The following RGS6 variants were observed in gnomAD, a reference collection of about 807,000 sequenced individuals.
RGS6 encodes regulator of G-protein signaling 6.
In RGS6, 30 loss-of-function variants were observed where a neutral mutation model predicts 78.5. The observed-to-expected ratio is 0.38, with a 90% CI of 0.29 to 0.52. The LOEUF (loss-of-function observed/expected upper bound fraction) is 0.52. Among genes scored for constraint, RGS6 ranks in the 20% least tolerant of loss-of-function variants. The pLI, the probability that RGS6 is intolerant of heterozygous loss-of-function variation, is 0.85. For synonymous variants in RGS6, 206 were observed against 206.0 expected (o/e 1.00, Z 0.00); for missense variants, 495 against 609.7 (o/e 0.81, Z 1.98).
the RGS6 span, among the ~76,000 whole-genome samples, chr14:72,603,265 AC>A: frequency 6.6e-6 from 1 of 152,234 alleles, no homozygotes; most frequent in Non-Finnish European, 1.5e-5. Context: ...ATGCAGCAAG[AC>A]TTGAAGGATT....
chr14:72,065,144 C>G (rs977662840), intron 2 of RGS6, among the ~76,000 whole-genome samples: 1 of 152,178 alleles, frequency 6.6e-6, no homozygotes, highest in African/African-American at 2.4e-5. Context: ...ATAATTGCCA[C>G]TTTTATTAAA....
intron 2 of RGS6, among the ~76,000 whole-genome samples, chr14:72,187,484 G>C (rs1012417909): frequency 6.6e-6 from 1 of 152,106 alleles, no homozygotes; most frequent in Non-Finnish European, 1.5e-5. Context: ...AGTTGGTGGT[G>C]GACTTGAGTG....
intron 2 of RGS6, among the ~76,000 whole-genome samples, chr14:71,970,651 G>C (rs1566931764): frequency 1.3e-5 from 2 of 152,140 alleles, no homozygotes; most frequent in African/African-American, 4.8e-5. Flanking sequence ...GGCATGATGA[G>C]GATTAGAAAC....
intron 2 of RGS6, among the ~76,000 whole-genome samples, chr14:72,124,447 G>A (rs193106883): frequency 3.9e-5 from 6 of 152,270 alleles, no homozygotes; most frequent in Non-Finnish European, 7.4e-5. Flanking sequence ...CTTATTATGT[G>A]AAAATCTATA....
chr14:72,050,441 G>A (rs2093159746), intron 2 of RGS6, among the ~76,000 whole-genome samples: 1 of 152,046 alleles, frequency 6.6e-6, no homozygotes, highest in Non-Finnish European at 1.5e-5. Context: ...GCTTATTATA[G>A]GTGATAAAAT....
At chr14:71,982,894 A>C (rs2094530909) in intron 2 of RGS6, among the ~76,000 whole-genome samples, 1 of 152,234 alleles carries the variant, frequency 6.6e-6, no homozygotes, top group South Asian at 2.1e-4. Context: ...CCATTGTCAG[A>C]AGTAGAACCC....
chr14:72,330,358 A>G (rs544570180), intron 2 of RGS6, among the ~76,000 whole-genome samples: 6 of 152,236 alleles, frequency 3.9e-5, no homozygotes, highest in Non-Finnish European at 7.3e-5. Flanking sequence ...TTTCCTGAGC[A>G]TCTGTCATTT....
chr14:72,269,364 C>T (rs2059570726), intron 2 of RGS6, among the ~76,000 whole-genome samples: 1 of 152,120 alleles, frequency 6.6e-6, no homozygotes, highest in Admixed American at 6.6e-5. Flanking sequence ...TGCCTCCTAG[C>T]CCACGTTATC....
At chr14:72,158,943 AT>A (rs2096813992) in intron 2 of RGS6, among the ~76,000 whole-genome samples, 1 of 152,150 alleles carries the variant, frequency 6.6e-6, no homozygotes, top group Non-Finnish European at 1.5e-5. Context: ...CCCACCTGTG[AT>A]TCTTCCTTCA....
At chr14:71,948,582 A>C (rs1595065333) in intron 1 of RGS6, among the ~76,000 whole-genome samples, 1 of 152,124 alleles carries the variant, frequency 6.6e-6, no homozygotes, top group East Asian at 1.9e-4. Flanking sequence ...TTGTTCAATA[A>C]ATTTTCAAGC....
At chr14:72,337,463 T>G (rs891976687) in intron 2 of RGS6, among the ~76,000 whole-genome samples, 1 of 152,134 alleles carries the variant, frequency 6.6e-6, no homozygotes, top group Admixed American at 6.6e-5. Context: ...GCAGAGGTGC[T>G]GGGTTCTCCC....
At chr14:72,056,946 C>T (rs1242887262) in intron 2 of RGS6, among the ~76,000 whole-genome samples, 1 of 152,076 alleles carries the variant, frequency 6.6e-6, no homozygotes. Flanking sequence ...TTTCATGTTA[C>T]CTGTAATAAA....
the RGS6 span, among the ~76,000 whole-genome samples, chr14:72,619,644 C>T: frequency 6.6e-6 from 1 of 152,174 alleles, no homozygotes; most frequent in Admixed American, 6.5e-5. Flanking sequence ...TCACACCTCC[C>T]GGTCATCTCC....
the RGS6 span, among the ~76,000 whole-genome samples, chr14:71,873,755 T>C: frequency 1.3e-5 from 2 of 152,216 alleles, no homozygotes; most frequent in Non-Finnish European, 2.9e-5. Flanking sequence ...GGTTTTCTTC[T>C]AGGGTTTTTA....
chr14:72,615,906 G>T, the RGS6 span, among the ~76,000 whole-genome samples: 2 of 152,238 alleles, frequency 1.3e-5, no homozygotes, highest in Non-Finnish European at 2.9e-5. Context: ...TTCCGGTTGG[G>T]TCTGGCAGCC....
intron 3 of RGS6, among the ~76,000 whole-genome samples, chr14:72,441,122 A>C (rs1333108249): frequency 1.3e-5 from 2 of 152,092 alleles, no homozygotes; most frequent in Admixed American, 1.3e-4. Context: ...ACGGGCAATC[A>C]CTGTGCACTG....
At chr14:71,915,922 G>A in the RGS6 span, among the ~76,000 whole-genome samples, 1 of 152,134 alleles carries the variant, frequency 6.6e-6, no homozygotes, top group Admixed American at 6.5e-5. Flanking sequence ...ACACGCAGAG[G>A]ACAGACCACG....
At chr14:72,502,909 T>TC (rs1442470108) in intron 13 of RGS6, among the ~76,000 whole-genome samples, 1 of 152,262 alleles carries the variant, frequency 6.6e-6, no homozygotes, top group African/African-American at 2.4e-5. Flanking sequence ...GGACATTGGA[T>TC]TATTTTCTTT....
intron 2 of RGS6, among the ~76,000 whole-genome samples, chr14:71,997,820 C>T (rs2082684433): frequency 6.6e-6 from 1 of 152,152 alleles, no homozygotes; most frequent in Admixed American, 6.5e-5. Flanking sequence ...TCAACTAGAT[C>T]TTTATAATTT....
Sources: gnomAD v4.1 joint callset for allele counts (sites outside exome capture counted in the v4.1 genomes callset) on GRCh38, gnomAD v4.1.1 for gene constraint, MANE v1.5 for transcripts, NCBI Gene and HGNC (gene_info 2026-07-23, HGNC 2026-07-21) for gene names.